The following IQSEC1 variants were observed in gnomAD, a reference collection of about 807,000 sequenced individuals.
IQSEC1 encodes the protein IQ motif and SEC7 domain-containing protein 1.
In IQSEC1, 31 loss-of-function variants were observed where a neutral mutation model predicts 91.0. The ratio of observed to expected loss-of-function variants is 0.34; its 90% CI spans 0.26 to 0.46. The LOEUF (loss-of-function observed/expected upper bound fraction) is 0.46, where lower values mean the gene tolerates loss of function less well. Ranked by LOEUF, IQSEC1 falls within the 20% of genes least tolerant of loss-of-function variation. IQSEC1 has a pLI of 1.00. For missense variants in IQSEC1, 1,388 were observed against 1,575.6 expected, an observed-to-expected ratio of 0.88 and a Z score of 2.02; for synonymous variants, 699 against 662.6, an observed-to-expected ratio of 1.05 and a Z score of -0.84.
Position 13,066,375 on chromosome 3 carries a change from G to A in IQSEC1, c.23+6617C>T, listed in dbSNP as rs116477022. Among the ~76,000 whole-genome samples, 286 of 152,374 alleles carry A rather than the reference G, an allele frequency of 1.9e-3. 2 individuals carry two copies. The highest frequency in any genetic ancestry group is 6.6e-3 in the African/African-American group (274 of 41,584). ...AAGGCAGGACTTCCGGGCAGCTGGT[G>A]ACAACAGAGGGGCCGGCACTGTGTC... On this transcript the variant is annotated intron_variant, in intron 1 of 13. Transcript: ENST00000613206.
chr3:13,159,921 C>T (rs1707144302), intron 2 of IQSEC1, among the ~76,000 whole-genome samples: 1 of 152,160 alleles, frequency 6.6e-6, no homozygotes, highest in African/African-American at 2.4e-5. Context: ...TCTTCTCTTC[C>T]TATGGTCCCT....
In IQSEC1 at chr3:12,900,468, TTTATA is replaced by T; in HGVS notation, c.*510_*514del. 2.1e-5 allele frequency: 14 copies of T among 658,474 alleles called. No homozygotes were observed. The highest frequency in any genetic ancestry group is 6.8e-5 in the South Asian group (1 of 14,714). 40.8% of individuals were successfully genotyped at this position (658,474 alleles called of 1,614,324 possible). The stretch of plus-strand genomic sequence containing the variant: ...CCTATACAGTATATATATATATATA[TTTATA>T]TATTTATATATTTATATAAAGTTTA... On this transcript the variant is annotated 3_prime_UTR_variant, in exon 14 of 14. Transcript: ENST00000613206.
chr3:13,187,323 C>A (rs925525542), intron 1 of IQSEC1, among the ~76,000 whole-genome samples: 4 of 152,226 alleles, frequency 2.6e-5, no homozygotes, highest in Admixed American at 2.0e-4. Flanking sequence ...GAGGAGGCAG[C>A]AGGGCCACAA....
At chr3:12,929,849 G>A (rs1336118064) in intron 3 of IQSEC1, among the ~76,000 whole-genome samples, 2 of 152,226 alleles carry the variant, frequency 1.3e-5, no homozygotes, top group Non-Finnish European at 2.9e-5. Flanking sequence ...GGAGCCTCCT[G>A]GCTCCATCCC....
chr3:12,986,131 C>G (rs1046767331), intron 1 of IQSEC1, among the ~76,000 whole-genome samples: 6 of 152,220 alleles, frequency 3.9e-5, no homozygotes, highest in African/African-American at 1.4e-4. Flanking sequence ...GGAGCAAGGT[C>G]ACCGCAGGCT....
intron 1 of IQSEC1, among the ~76,000 whole-genome samples, chr3:12,990,027 C>T (rs1701915998): frequency 6.6e-6 from 1 of 152,184 alleles, no homozygotes. Context: ...TTGGATAAGC[C>T]CCAAACCTGG....
At chr3:13,002,888 A>G (rs558657809) in intron 1 of IQSEC1, among the ~76,000 whole-genome samples, 1,887 of 152,348 alleles carry the variant, frequency 0.012, 19 homozygotes, top group Non-Finnish European at 0.018. Context: ...TGGGAACAAA[A>G]AGATGCAGCC....
At chr3:13,028,432 C>T (rs1576187497) in intron 1 of IQSEC1, among the ~76,000 whole-genome samples, 1 of 152,256 alleles carries the variant, frequency 6.6e-6, no homozygotes, top group East Asian at 1.9e-4. Context: ...TCGAGTTATG[C>T]CATGGGAGGG....
At chr3:13,001,768 A>C (rs1702432935) in intron 1 of IQSEC1, among the ~76,000 whole-genome samples, 1 of 152,230 alleles carries the variant, frequency 6.6e-6, no homozygotes, top group Non-Finnish European at 1.5e-5. Context: ...TTCTTTAACA[A>C]GTAGTGCTGG....
intron 1 of IQSEC1, among the ~76,000 whole-genome samples, chr3:13,065,467 C>T (rs1445429757): frequency 2.6e-5 from 4 of 152,212 alleles, no homozygotes; most frequent in Non-Finnish European, 5.9e-5. Flanking sequence ...ACGTAACCAT[C>T]CCTTTTGTAA....
At chr3:13,034,449 C>T (rs949923147) in intron 1 of IQSEC1, among the ~76,000 whole-genome samples, 2 of 152,256 alleles carry the variant, frequency 1.3e-5, no homozygotes, top group Non-Finnish European at 2.9e-5. Context: ...ATGAACCTAA[C>T]ACCCGTTTCC....
intron 1 of IQSEC1, among the ~76,000 whole-genome samples, chr3:13,179,107 G>A (rs993854157): frequency 3.9e-5 from 6 of 152,164 alleles, no homozygotes; most frequent in Non-Finnish European, 8.8e-5. Context: ...TTAGGGAGAT[G>A]GATTTGAAAC....
At chr3:13,092,017 G>T (rs1404511810) in intron 2 of IQSEC1, among the ~76,000 whole-genome samples, 1 of 152,122 alleles carries the variant, frequency 6.6e-6, no homozygotes, top group Non-Finnish European at 1.5e-5. Flanking sequence ...AGTTCTAAGG[G>T]CCTGTGCATG....
In IQSEC1 at chr3:12,927,388, C is replaced by G. The variant is rs568830629; in HGVS notation, c.1569-2646G>C. 2.6e-5 allele frequency among the ~76,000 whole-genome samples: 4 copies of G among 151,122 alleles called. No individual in the cohort carries two copies. In the East Asian group the frequency reaches 7.7e-4, roughly 29 times the overall value. On this transcript the variant is annotated intron_variant, in intron 3 of 13. Transcript: ENST00000613206. ...CTCCCCGACCCCTGCTGCCTGGTCC[C>G]TTCCCCACACAGGTGCATGCTCTAA...
chr3:12,899,265 C>T lies in IQSEC1; in HGVS notation c.*1718G>A, dbSNP rs941850530. On this transcript the variant is annotated 3_prime_UTR_variant, in exon 14 of 14. Transcript: ENST00000613206. ...CCCCTCTCCTCCTGCCGTCCGGCCA[C>T]GGCTCACCACGCTGTCCACTGGGAA... 39 of 1,091,992 alleles carry T rather than the reference C, an allele frequency of 3.6e-5. 1 individual carries two copies. Among genetic ancestry groups the T allele is most frequent in the South Asian group, 2.5e-4 (17 of 68,542 alleles). The allele number at this position is 1,091,992 out of a possible 1,614,324, so 67.6% of individuals were successfully genotyped here.
chr3:13,024,186 T>A (rs1703516005), intron 1 of IQSEC1, among the ~76,000 whole-genome samples: 1 of 152,210 alleles, frequency 6.6e-6, no homozygotes, highest in Admixed American at 6.5e-5. Flanking sequence ...TTACCCGCTT[T>A]ATCTCTACCC....
intron 1 of IQSEC1, among the ~76,000 whole-genome samples, chr3:12,977,202 G>T (rs1701223203): frequency 6.6e-6 from 1 of 152,026 alleles, no homozygotes; most frequent in Non-Finnish European, 1.5e-5. Context: ...TAAAAAATTA[G>T]CCGGGTGTGG....
At chr3:13,069,551 G>A (rs1167188982) in intron 1 of IQSEC1, among the ~76,000 whole-genome samples, 2 of 152,180 alleles carry the variant, frequency 1.3e-5, no homozygotes, top group Admixed American at 6.5e-5. Context: ...TGCGGGGGCC[G>A]GCAGGTCATC....
intron 3 of IQSEC1, among the ~76,000 whole-genome samples, chr3:12,933,106 G>A (rs1046663368): frequency 5.9e-5 from 9 of 152,240 alleles, no homozygotes; most frequent in African/African-American, 1.7e-4. Context: ...GCTGGAGGCC[G>A]GGCAAAGGCC....
Sources: gnomAD v4.1 joint callset for allele counts (sites outside exome capture counted in the v4.1 genomes callset) on GRCh38, gnomAD v4.1.1 for gene constraint, MANE v1.5 for transcripts, NCBI Gene and HGNC (gene_info 2026-07-23, HGNC 2026-07-21) for gene names.